The following DACH2 variants were observed in gnomAD, a reference collection of about 807,000 sequenced individuals.
The protein encoded by DACH2 is dachshund homolog 2.
In DACH2, 17 loss-of-function variants were observed where a neutral mutation model predicts 35.8. That is an observed-to-expected ratio of 0.48 (90% CI 0.33 to 0.71). The LOEUF (loss-of-function observed/expected upper bound fraction) is 0.71. Among genes scored for constraint, DACH2 ranks in the 30% least tolerant of loss-of-function variants. The pLI is 0.02. For synonymous variants in DACH2, 195 were observed against 177.3 expected (o/e 1.10, Z -0.79); for missense variants, 469 against 472.7 (o/e 0.99, Z 0.07).
At chrX:86,771,306 T>C (rs1167250084) in intron 7 of DACH2, among the ~76,000 whole-genome samples, 1 of 112,625 alleles carries the variant, frequency 8.9e-6, no homozygotes, top group African/African-American at 3.2e-5. Context: ...TACTTCTTAC[T>C]GCTAAAAAAA....
chrX:86,645,007 C>T lies in DACH2; in HGVS notation c.641-6029C>T, dbSNP rs1013676150. Among the ~76,000 whole-genome samples, 3 of 110,449 alleles carry T rather than the reference C, an allele frequency of 2.7e-5. No individual in the cohort carries two copies. The Admixed American group carries it at 2.9e-4, about 11-fold the overall frequency. ...ATACCATCCTGGACCTAGGAATGGG[C>T]AAAGATTTCATGAGAAGGACACCAA... On this transcript the variant is annotated intron_variant, in intron 3 of 11. Coordinates refer to ENST00000373125, the MANE Select transcript of DACH2 (RefSeq NM_053281.3).
At chrX:86,763,954 G>A (rs1267144108) in intron 7 of DACH2, among the ~76,000 whole-genome samples, 1 of 111,821 alleles carries the variant, frequency 8.9e-6, no homozygotes, top group Non-Finnish European at 1.9e-5. Context: ...AATGCTAACA[G>A]TAAATATCTC....
At chrX:86,613,014 G>T (rs909446824) in intron 3 of DACH2, among the ~76,000 whole-genome samples, 1 of 111,921 alleles carries the variant, frequency 8.9e-6, no homozygotes, top group Non-Finnish European at 1.9e-5. Flanking sequence ...AATTTGTTTT[G>T]CCATGTTGTT....
chrX:86,479,948 ATC>A (rs771808951), intron 2 of DACH2, among the ~76,000 whole-genome samples: 1 of 112,685 alleles, frequency 8.9e-6, no homozygotes, highest in African/African-American at 3.2e-5. Context: ...AAGGCCACGT[ATC>A]TCTGTTTCTA....
At chrX:86,324,206 C>A (rs1328750704) in intron 1 of DACH2, among the ~76,000 whole-genome samples, 2 of 111,820 alleles carry the variant, frequency 1.8e-5, no homozygotes, top group Non-Finnish European at 3.8e-5. Flanking sequence ...TTCTTTCTAT[C>A]TCCTATAACA....
intron 2 of DACH2, among the ~76,000 whole-genome samples, chrX:86,430,335 G>T (rs1181772259): frequency 8.9e-6 from 1 of 111,877 alleles, no homozygotes; most frequent in African/African-American, 3.3e-5. Context: ...AAGATAGTAT[G>T]GAAAATGTTA....
intron 3 of DACH2, among the ~76,000 whole-genome samples, chrX:86,546,963 A>G (rs761237222): frequency 1.4e-4 from 16 of 111,124 alleles, no homozygotes; most frequent in Non-Finnish European, 2.3e-4. Context: ...GCACTACAAG[A>G]CTTGACCCTG....
intron 7 of DACH2, among the ~76,000 whole-genome samples, chrX:86,812,471 A>C (rs749772177): frequency 8.9e-6 from 1 of 112,174 alleles, no homozygotes; most frequent in Non-Finnish European, 1.9e-5. Flanking sequence ...AAAGCTGTTA[A>C]AATAATCAAG....
At chrX:86,810,047 G>A (rs1302525389) in intron 7 of DACH2, among the ~76,000 whole-genome samples, 15 of 111,390 alleles carry the variant, frequency 1.3e-4, no homozygotes, top group African/African-American at 4.6e-4. Context: ...ACCTAATTCA[G>A]CTGTGTCTAT....
chrX:86,397,304 G>A (rs1359115332), intron 2 of DACH2, among the ~76,000 whole-genome samples: 3 of 111,500 alleles, frequency 2.7e-5, no homozygotes, highest in African/African-American at 9.8e-5. Flanking sequence ...AGACGATGGG[G>A]TTTTCTAGAT....
chrX:86,481,682 T>C (rs1356697284), intron 2 of DACH2: 2 of 112,069 alleles, frequency 1.8e-5, no homozygotes, highest in Non-Finnish European at 3.8e-5. Flanking sequence ...ACGAGAGTAA[T>C]TCAGCACAAG....
intron 3 of DACH2, among the ~76,000 whole-genome samples, chrX:86,562,383 A>G (rs752928215): frequency 9.0e-6 from 1 of 111,538 alleles, no homozygotes; most frequent in South Asian, 3.7e-4. Flanking sequence ...AGAACGTGGG[A>G]TGCCATCCTA....
chrX:86,494,676 C>A (rs1166172743), intron 2 of DACH2, among the ~76,000 whole-genome samples: 1 of 112,413 alleles, frequency 8.9e-6, no homozygotes, highest in African/African-American at 3.2e-5. Flanking sequence ...GTGCATAATT[C>A]TTTTCCATCT....
intron 5 of DACH2, among the ~76,000 whole-genome samples, chrX:86,705,130 A>G (rs1463519372): frequency 9.9e-6 from 1 of 100,677 alleles, no homozygotes; most frequent in Non-Finnish European, 1.9e-5. Context: ...GAACAAATTA[A>G]TTGCATCCAC....
intron 3 of DACH2, among the ~76,000 whole-genome samples, chrX:86,585,934 T>C (rs769655938): frequency 2.1e-4 from 24 of 111,698 alleles, no homozygotes; most frequent in Non-Finnish European, 4.3e-4. Flanking sequence ...TACCCAATAG[T>C]GGAATTGCTA....
At chrX:86,687,956 A>G (rs1225325047) in intron 4 of DACH2, among the ~76,000 whole-genome samples, 2 of 110,954 alleles carry the variant, frequency 1.8e-5, no homozygotes, top group Non-Finnish European at 3.8e-5. Context: ...ACGGGTTGAT[A>G]GGTGCAGCAA....
chrX:86,649,670 G>A (rs1285696441), intron 3 of DACH2, among the ~76,000 whole-genome samples: 2 of 111,140 alleles, frequency 1.8e-5, no homozygotes, highest in Non-Finnish European at 3.8e-5. Flanking sequence ...GTGATGAAAA[G>A]TTTGCTTCAT....
At chrX:86,820,465 T>G (rs1343247303) in intron 11 of DACH2, among the ~76,000 whole-genome samples, 1 of 108,382 alleles carries the variant, frequency 9.2e-6, no homozygotes, top group African/African-American at 3.4e-5. Flanking sequence ...TACTAGACCT[T>G]TTTTTTTTCC....
intron 2 of DACH2, among the ~76,000 whole-genome samples, chrX:86,444,752 G>T (rs2037230043): frequency 9.2e-6 from 1 of 108,943 alleles, no homozygotes; most frequent in African/African-American, 3.3e-5. Flanking sequence ...TTGATCTTTT[G>T]TGCTCTTTTA....
Sources: allele counts gnomAD v4.1 joint callset (sites outside exome capture counted in the v4.1 genomes callset), GRCh38; gene constraint gnomAD v4.1.1; transcripts MANE v1.5; gene names NCBI Gene and HGNC (gene_info 2026-07-23, HGNC 2026-07-21).